ATP2C1: variants seen among roughly 807,000 people sequenced by gnomAD.
ATP2C1 encodes calcium-transporting ATPase type 2C member 1.
Under a neutral mutation model 120.5 loss-of-function variants are expected in ATP2C1, and 31 were observed. The observed-to-expected ratio is 0.26, with a 90% CI of 0.19 to 0.35. The LOEUF (loss-of-function observed/expected upper bound fraction) is 0.35, where lower values mean the gene tolerates loss of function less well. Among genes scored for constraint, ATP2C1 ranks in the 10% least tolerant of loss-of-function variants. ATP2C1 has a pLI of 1.00. For missense variants in ATP2C1, 731 were observed against 1,107.5 expected (o/e 0.66, Z 4.83); for synonymous variants, 351 against 358.7 (o/e 0.98, Z 0.24).
intron 8 of ATP2C1, among the ~76,000 whole-genome samples, chr3:130,945,001 A>T (rs995855742): frequency 3.3e-5 from 5 of 151,946 alleles, no homozygotes; most frequent in African/African-American, 9.7e-5. Flanking sequence ...AAAAGTTCGT[A>T]TTTTTTTTAC....
In ATP2C1 at chr3:130,950,834, G is replaced by C. The variant is rs2060340532; in HGVS notation, c.532-2987G>C. On this transcript the variant is annotated intron_variant, in intron 8 of 27. Coordinates refer to ENST00000510168, the MANE Select transcript of ATP2C1 (RefSeq NM_001378687.1). ...AAACCAAAGAGCTAGGTTGCTGACA[G>C]AGCCATGAAATCATGCTTTTCTCTT... Among the ~76,000 whole-genome samples, 3 of 151,640 alleles carry C rather than the reference G, an allele frequency of 2.0e-5. No individual in the cohort carries two copies. In the South Asian group the frequency reaches 6.2e-4, roughly 32 times the overall value.
chr3:130,870,167 C>T (rs545233330), intron 1 of ATP2C1, among the ~76,000 whole-genome samples: 80 of 151,576 alleles, frequency 5.3e-4, no homozygotes, highest in African/African-American at 1.6e-3. Context: ...ACTGTTGAGA[C>T]CTCAAAAAAA....
At chr3:130,998,953 T>C (rs2062761915) in intron 26 of ATP2C1, among the ~76,000 whole-genome samples, 1 of 152,230 alleles carries the variant, frequency 6.6e-6, no homozygotes, top group African/African-American at 2.4e-5. Context: ...CCTTAAAAAC[T>C]AGTTTCATTT....
At chr3:130,986,616 C>T (rs187500633) in intron 20 of ATP2C1, among the ~76,000 whole-genome samples, 38 of 152,306 alleles carry the variant, frequency 2.5e-4, no homozygotes, top group African/African-American at 8.4e-4. Flanking sequence ...TAAGCCCTGT[C>T]AGAAGCTCGT....
At chr3:130,957,352 A>G (rs773464971) in intron 11 of ATP2C1, among the ~76,000 whole-genome samples, 1 of 152,162 alleles carries the variant, frequency 6.6e-6, no homozygotes, top group East Asian at 1.9e-4. Context: ...ATTTTAGTAC[A>G]TGGCTTAAGG....
intron 26 of ATP2C1, among the ~76,000 whole-genome samples, chr3:131,013,054 T>C (rs1300635220): frequency 2.0e-5 from 3 of 152,242 alleles, no homozygotes; most frequent in African/African-American, 7.2e-5. Context: ...ACAATTTGTA[T>C]GAATACAAGT....
At chr3:130,945,902 T>G (rs1161826204) in intron 8 of ATP2C1, among the ~76,000 whole-genome samples, 1 of 136,570 alleles carries the variant, frequency 7.3e-6, no homozygotes, top group Non-Finnish European at 1.6e-5. Flanking sequence ...AGGTTGTGGG[T>G]TTTTTTTTTT....
At chr3:130,912,075 T>G (rs1278559404) in intron 2 of ATP2C1, among the ~76,000 whole-genome samples, 8 of 93,078 alleles carry the variant, frequency 8.6e-5, no homozygotes, top group African/African-American at 3.6e-4. Flanking sequence ...CTGGATCCCT[T>G]CCTTACACCT....
chr3:130,964,236 C>T (rs1000337182), intron 13 of ATP2C1, 141 bp downstream of exon 13: 1 of 1,262,728 alleles, frequency 7.9e-7, no homozygotes, highest in East Asian at 2.4e-5. Context: ...ATGGTTTTAA[C>T]AACCAAAAAA....
In ATP2C1 at chr3:130,964,840, A is replaced by G. The variant is rs75320308; in HGVS notation, c.1025-108A>G. ...AAAATTAACAATGAGTTTGATTTCT[A>G]TAAAATTCAGAGAAGTAGGACAGGA... On this transcript the variant is annotated intron_variant, in intron 13 of 27. Transcript: ENST00000510168. The G allele has an allele frequency of 8.5e-3, 6,220 of 733,704 alleles. 278 individuals are homozygous for G. The African/African-American group carries it at 0.095, about 11-fold the overall frequency. The allele number at this position is 733,704 out of a possible 1,614,324, so 45.4% of individuals were successfully genotyped here. A position where few individuals can be genotyped will look rare whatever the true frequency, so the allele number is the denominator to read the frequency against.
rs115561068 is a variant in ATP2C1 at position 130,931,899 on chromosome 3, A to G, written c.118-123A>G. Reference sequence around the variant, plus strand: ...GCAACCACTGATAGGTTGCTCTCATAATAGACTAGTTTTGACTGTTGTAGT... The same window carrying G: ...GCAACCACTGATAGGTTGCTCTCATGATAGACTAGTTTTGACTGTTGTAGT... On this transcript the variant is annotated intron_variant, in intron 3 of 27. Coordinates refer to ENST00000510168, the MANE Select transcript of ATP2C1 (RefSeq NM_001378687.1). The G allele has an allele frequency of 1.5e-3, 1,018 of 697,606 alleles. 7 individuals are homozygous for G. The African/African-American group carries it at 0.016, about 11-fold the overall frequency. 43.2% of individuals were successfully genotyped at this position (697,606 alleles called of 1,614,324 possible). A position where few individuals can be genotyped will look rare whatever the true frequency, so the allele number is the denominator to read the frequency against.
At chr3:130,904,439 G>C (rs774766434) in intron 2 of ATP2C1, among the ~76,000 whole-genome samples, 1 of 151,916 alleles carries the variant, frequency 6.6e-6, no homozygotes, top group African/African-American at 2.4e-5. Context: ...GGGGTTGTCA[G>C]ATCTTCACCC....
At chr3:130,992,111 A>G (rs1303081671) in intron 20 of ATP2C1, among the ~76,000 whole-genome samples, 1 of 152,224 alleles carries the variant, frequency 6.6e-6, no homozygotes. Flanking sequence ...GAATGCTTAC[A>G]GTTAGTGAGT....
In ATP2C1 at chr3:130,894,803, A is replaced by G. The variant is rs770286067; in HGVS notation, c.6+28A>G. 49 of 1,602,770 alleles carry G rather than the reference A, an allele frequency of 3.1e-5. No homozygotes were observed. The Admixed American group carries it at 7.8e-4, about 26-fold the overall frequency. On this transcript the variant is annotated intron_variant, in intron 2 of 27. Transcript: ENST00000510168. This position sits in a 1 kb window ranked among gnomAD's most constrained non-coding sequence, Gnocchi z 4.5. The stretch of plus-strand genomic sequence containing the variant: ...AAAGGCCCCTGGCCGACCGGTTGCA[A>G]CGCGGAGTTGAGGGTGTGGTGGTTT...
intron 1 of ATP2C1, among the ~76,000 whole-genome samples, chr3:130,882,944 T>A (rs1425220232): frequency 1.3e-5 from 2 of 152,200 alleles, no homozygotes; most frequent in African/African-American, 2.4e-5. Flanking sequence ...CCTTTAAATG[T>A]TTGGTAGAAT....
intron 14 of ATP2C1, 43 bp from the exon 15 acceptor site, chr3:130,967,102 G>A (rs2061080587): frequency 1.4e-6 from 2 of 1,440,704 alleles, no homozygotes; most frequent in Non-Finnish European, 2.0e-6. Context: ...ACCACCAAGT[G>A]TTTGTAGTGT....
At chr3:130,998,172 C>G in intron 25 of ATP2C1, 122 bp from the exon 26 acceptor site, 3 of 696,518 alleles carry the variant, frequency 4.3e-6, no homozygotes, top group Non-Finnish European at 2.6e-6. Context: ...TTTTATGTTT[C>G]ATGTGTTAGG....
intron 1 of ATP2C1, chr3:130,868,693 C>G (rs1348973191): frequency 4.9e-5 from 1 of 20,232 alleles, no homozygotes; most frequent in African/African-American, 1.6e-4. Context: ...CAGCCCCCCG[C>G]CCGGCCAGCC....
At chr3:130,943,086 TTAAC>T (rs1207232229) in intron 8 of ATP2C1, among the ~76,000 whole-genome samples, 2 of 152,244 alleles carry the variant, frequency 1.3e-5, no homozygotes, top group Non-Finnish European at 2.9e-5. Flanking sequence ...GGGTTTTCAT[TTAAC>T]TAAGGGTTAA....
Sources: gnomAD v4.1 joint callset for allele counts (sites outside exome capture counted in the v4.1 genomes callset) on GRCh38, gnomAD v4.1.1 for gene constraint, Gnocchi (gnomAD v3.1) non-coding constraint, MANE v1.5 for transcripts, NCBI Gene and HGNC (gene_info 2026-07-23, HGNC 2026-07-21) for gene names.